The following SLC38A1 variants were observed in gnomAD, a reference collection of about 807,000 sequenced individuals.
The protein encoded by SLC38A1 is sodium-coupled neutral amino acid symporter 1.
SLC38A1 carries 18 observed loss-of-function variants against 60.3 expected under a neutral mutation model. The observed-to-expected ratio is 0.30, with a 90% confidence interval of 0.21 to 0.44. SLC38A1 has a LOEUF of 0.44. Among genes scored for constraint, SLC38A1 ranks in the 20% least tolerant of loss-of-function variants. The pLI, the probability that SLC38A1 is intolerant of heterozygous loss-of-function variation, is 1.00. For missense variants in SLC38A1, 448 were observed against 587.2 expected (o/e 0.76, Z 2.45); for synonymous variants, 196 against 212.1 (o/e 0.92, Z 0.66).
intron 5 of SLC38A1, among the ~76,000 whole-genome samples, chr12:46,222,841 G>T (rs1383458306): frequency 6.6e-6 from 1 of 152,086 alleles, no homozygotes; most frequent in Non-Finnish European, 1.5e-5. Flanking sequence ...TATACTTTAA[G>T]CATACATTTT....
chr12:46,196,260 T>A, intron 16 of SLC38A1: 1 of 1,535,904 alleles, frequency 6.5e-7, no homozygotes, highest in Non-Finnish European at 8.7e-7. Flanking sequence ...GACTGGAAAC[T>A]GGAGGAAGAG....
Position 46,186,510 on chromosome 12 carries a change from T to A in SLC38A1, c.*2460A>T, listed in dbSNP as rs902500321. The A allele has an allele frequency of 1.3e-5, 2 of 152,208 alleles. No homozygotes were observed. Among genetic ancestry groups the A allele is most frequent in the Non-Finnish European group, 2.9e-5 (2 of 68,038 alleles). 9.4% of individuals were successfully genotyped at this position (152,208 alleles called of 1,614,324 possible). ...TGTATTTTTGGCTACCAATTAACTA[T>A]TCTGAATAAGAATAAGAGCAGTATA... On this transcript the variant is annotated 3_prime_UTR_variant, in exon 17 of 17. Transcript: ENST00000398637.
chr12:46,184,873 C>T lies in SLC38A1; in HGVS notation c.*4097G>A, dbSNP rs1000356005. On this transcript the variant is annotated 3_prime_UTR_variant, in exon 17 of 17. Coordinates refer to ENST00000398637, the MANE Select transcript of SLC38A1 (RefSeq NM_030674.4). Reference sequence around the variant, plus strand: ...AATAAAATATTATCATGCCTCAGCCCGAGGTAACACCGAGTGCAGGCAGCC... The same window carrying T: ...AATAAAATATTATCATGCCTCAGCCTGAGGTAACACCGAGTGCAGGCAGCC... 3.3e-5 allele frequency: 5 copies of T among 152,168 alleles called. No homozygotes were observed. Among genetic ancestry groups the T allele is most frequent in the African/African-American group, 1.2e-4 (5 of 41,446 alleles). The allele number at this position is 152,168 out of a possible 1,614,324, so 9.4% of individuals were successfully genotyped here. A position where few individuals can be genotyped will look rare whatever the true frequency, so the allele number is the denominator to read the frequency against.
chr12:46,240,602 T>C (rs866258738), intron 2 of SLC38A1, among the ~76,000 whole-genome samples: 1 of 152,144 alleles, frequency 6.6e-6, no homozygotes, highest in African/African-American at 2.4e-5. Context: ...GCACCTTCGG[T>C]TTAGCAATCC....
chr12:46,224,526 ACACTAAGGAGCCTTC>A (rs1940791067), intron 5 of SLC38A1, among the ~76,000 whole-genome samples: 1 of 152,164 alleles, frequency 6.6e-6, no homozygotes, highest in Non-Finnish European at 1.5e-5. Context: ...CCTCAGGGAG[ACACTAAGGAGCCTTC>A]CCAGCTGCTG....
chr12:46,229,352 G>T, intron 4 of SLC38A1, 84 bp from the exon 5 acceptor site: 1 of 929,054 alleles, frequency 1.1e-6, no homozygotes, highest in South Asian at 1.5e-5. Context: ...GCACTCTCAG[G>T]AACCAATATG....
chr12:46,256,424 T>C (rs1942024226), intron 1 of SLC38A1, among the ~76,000 whole-genome samples: 1 of 152,004 alleles, frequency 6.6e-6, no homozygotes, highest in Non-Finnish European at 1.5e-5. Context: ...TACACACACA[T>C]ACTACATATA....
intron 8 of SLC38A1, 109 bp downstream of exon 8, chr12:46,207,046 G>T: frequency 1.4e-6 from 1 of 700,574 alleles, no homozygotes. Flanking sequence ...CAAACAAAAC[G>T]CAGCCTAGGA....
At chr12:46,262,622 T>C (rs1467265456) in intron 1 of SLC38A1, among the ~76,000 whole-genome samples, 4 of 152,222 alleles carry the variant, frequency 2.6e-5, no homozygotes, top group Non-Finnish European at 5.9e-5. Flanking sequence ...GCTATTGTAC[T>C]AAAAAAGATG....
At chr12:46,214,436 T>A (rs894084823) in intron 5 of SLC38A1, among the ~76,000 whole-genome samples, 11 of 152,226 alleles carry the variant, frequency 7.2e-5, no homozygotes, top group Non-Finnish European at 1.5e-4. Flanking sequence ...ATTGTAATTA[T>A]TTGGTCTTCC....
intron 1 of SLC38A1, among the ~76,000 whole-genome samples, chr12:46,251,451 T>C (rs1941835806): frequency 6.6e-6 from 1 of 152,140 alleles, no homozygotes; most frequent in African/African-American, 2.4e-5. Flanking sequence ...ACTTCATGAC[T>C]AAAACACCAA....
intron 5 of SLC38A1, among the ~76,000 whole-genome samples, chr12:46,220,608 T>C (rs560450082): frequency 2.6e-5 from 4 of 152,330 alleles, no homozygotes; most frequent in African/African-American, 9.6e-5. Flanking sequence ...TTACCATTTA[T>C]AAGGAATAAC....
intron 1 of SLC38A1, among the ~76,000 whole-genome samples, chr12:46,249,919 G>A (rs1214182328): frequency 2.0e-5 from 3 of 152,186 alleles, no homozygotes; most frequent in East Asian, 1.9e-4. Flanking sequence ...ACAAAGAGGA[G>A]CTGGTACCAT....
At chr12:46,233,907 C>G (rs922366727) in intron 3 of SLC38A1, among the ~76,000 whole-genome samples, 1 of 152,212 alleles carries the variant, frequency 6.6e-6, no homozygotes, top group Non-Finnish European at 1.5e-5. Context: ...ACTTAATTTG[C>G]TTTTGCCTCA....
intron 1 of SLC38A1, among the ~76,000 whole-genome samples, chr12:46,264,473 A>G (rs2139079387): frequency 6.6e-6 from 1 of 152,350 alleles, no homozygotes; most frequent in South Asian, 2.1e-4. Context: ...CTCTGTTATT[A>G]GTAAGGTTAT....
chr12:46,202,400 G>A (rs542494562), intron 12 of SLC38A1, among the ~76,000 whole-genome samples: 1 of 152,090 alleles, frequency 6.6e-6, no homozygotes, highest in Admixed American at 6.6e-5. Context: ...GACTATTTTT[G>A]TTTATGTTTG....
intron 1 of SLC38A1, among the ~76,000 whole-genome samples, chr12:46,253,585 C>A (rs1040570398): frequency 2.4e-4 from 36 of 152,182 alleles, no homozygotes; most frequent in African/African-American, 8.4e-4. Context: ...TTCTTTACTG[C>A]AACCTGTTTT....
chr12:46,240,142 A>G (rs538928482), intron 2 of SLC38A1, among the ~76,000 whole-genome samples: 1 of 152,292 alleles, frequency 6.6e-6, no homozygotes, highest in Admixed American at 6.5e-5. Flanking sequence ...TCAGGTTTAT[A>G]AGAATATCAT....
chr12:46,208,919 C>T (rs1940027336), intron 6 of SLC38A1, 135 bp downstream of exon 6: 1 of 638,376 alleles, frequency 1.6e-6, no homozygotes, highest in Admixed American at 3.4e-5. Flanking sequence ...ATAGGTCTTC[C>T]AATCACTCTA....
Sources: allele counts gnomAD v4.1 joint callset (sites outside exome capture counted in the v4.1 genomes callset), GRCh38; gene constraint gnomAD v4.1.1; transcripts MANE v1.5; gene names NCBI Gene and HGNC (gene_info 2026-07-23, HGNC 2026-07-21).